Variants in CD2AP observed in about 807,000 individuals in gnomAD.
The protein encoded by CD2AP is CD2 associated protein.
Under a neutral mutation model 85.1 loss-of-function variants are expected in CD2AP, and 46 were observed. That is an observed-to-expected ratio of 0.54 (90% confidence interval 0.43 to 0.69). The LOEUF is 0.69. CD2AP is among the 30% of genes least tolerant of loss of function. The pLI, the probability that CD2AP is intolerant of heterozygous loss-of-function variation, is 0.00. For missense variants in CD2AP, 769 were observed against 729.5 expected (o/e 1.05, Z -0.62); for synonymous variants, 255 against 252.9 (o/e 1.01, Z -0.08).
chr6:47,587,905 C>T (rs1768674589), intron 11 of CD2AP, among the ~76,000 whole-genome samples: 1 of 152,138 alleles, frequency 6.6e-6, no homozygotes, highest in Non-Finnish European at 1.5e-5. Context: ...AGTGAATCTG[C>T]TCACTTTTGC....
At chr6:47,517,062 G>A in intron 2 of CD2AP, among the ~76,000 whole-genome samples, 1 of 152,096 alleles carries the variant, frequency 6.6e-6, no homozygotes, top group East Asian at 1.9e-4. Flanking sequence ...TTAGCGCCAT[G>A]CCCTTGGTAA....
chr6:47,487,047 C>T (rs1361766001), intron 1 of CD2AP, among the ~76,000 whole-genome samples: 1 of 152,078 alleles, frequency 6.6e-6, no homozygotes, highest in Non-Finnish European at 1.5e-5. Flanking sequence ...TTAAAAATTC[C>T]TGTTGTGCTG....
At chr6:47,607,851 C>A in intron 14 of CD2AP, 76 bp from the exon 15 acceptor site, 1 of 943,060 alleles carries the variant, frequency 1.1e-6, no homozygotes, top group Non-Finnish European at 1.7e-6. Context: ...AAGTTATTTG[C>A]TTTATTATCC....
rs1364065378 is a variant in CD2AP, at chr6:47,499,018, A to G, written c.5-4262A>G. Among the ~76,000 whole-genome samples, 3 of 152,318 alleles carry G rather than the reference A, an allele frequency of 2.0e-5. No individual in the cohort carries two copies. The South Asian group carries it at 6.2e-4, about 32-fold the overall frequency. ...TTTAATTTCATTATTTTGATGCTCAAAATGTCCTGATTTGGCCAGTAAGAA... is the reference window on the plus strand; with the variant it reads ...TTTAATTTCATTATTTTGATGCTCAGAATGTCCTGATTTGGCCAGTAAGAA... On this transcript the variant is annotated intron_variant, in intron 1 of 17. Transcript: ENST00000359314.
intron 5 of CD2AP, among the ~76,000 whole-genome samples, chr6:47,567,186 A>G (rs1768026765): frequency 6.6e-6 from 1 of 151,248 alleles, no homozygotes; most frequent in East Asian, 1.9e-4. Flanking sequence ...ATCTTCATCT[A>G]ATTTTCTTTT....
chr6:47,593,250 T>G (rs1768850584), intron 11 of CD2AP, among the ~76,000 whole-genome samples: 1 of 152,078 alleles, frequency 6.6e-6, no homozygotes, highest in Non-Finnish European at 1.5e-5. Context: ...ATAATTGTAC[T>G]TTATCAAAAT....
chr6:47,557,957 A>T (rs534466251), intron 5 of CD2AP, among the ~76,000 whole-genome samples: 4 of 152,326 alleles, frequency 2.6e-5, no homozygotes, highest in African/African-American at 9.6e-5. Context: ...CCTATCCATT[A>T]GCATGGAATG....
intron 1 of CD2AP, among the ~76,000 whole-genome samples, chr6:47,484,908 C>T (rs1191868205): frequency 1.3e-5 from 2 of 152,246 alleles, no homozygotes; most frequent in South Asian, 2.1e-4. Context: ...ATAAACCACA[C>T]ATAGGGTGGT....
chr6:47,537,288 C>G (rs1174738065), intron 3 of CD2AP, among the ~76,000 whole-genome samples: 2 of 152,164 alleles, frequency 1.3e-5, no homozygotes, highest in East Asian at 3.8e-4. Context: ...GACTATGCAT[C>G]TTTGCAGCAT....
chr6:47,548,144 C>T (rs565845688), intron 4 of CD2AP, among the ~76,000 whole-genome samples: 26 of 151,772 alleles, frequency 1.7e-4, no homozygotes, highest in Admixed American at 1.1e-3. Flanking sequence ...CCTCAAGAAA[C>T]GAGAAAAAGA....
At chr6:47,544,012 A>G (rs1038582665) in intron 3 of CD2AP, among the ~76,000 whole-genome samples, 2 of 152,202 alleles carry the variant, frequency 1.3e-5, no homozygotes, top group African/African-American at 4.8e-5. Flanking sequence ...TTAGAGCTTG[A>G]AAAAGGTTGA....
intron 9 of CD2AP, among the ~76,000 whole-genome samples, chr6:47,580,122 C>CT (rs371763351): frequency 2.3e-3 from 348 of 152,316 alleles, no homozygotes; most frequent in African/African-American, 7.2e-3. Context: ...TCTATGGAAG[C>CT]TTAGGCTGTC....
intron 2 of CD2AP, among the ~76,000 whole-genome samples, chr6:47,532,146 A>C (rs1158946344): frequency 6.6e-6 from 1 of 152,110 alleles, no homozygotes; most frequent in Non-Finnish European, 1.5e-5. Flanking sequence ...ATAAGAATTT[A>C]TAAACTTGAA....
intron 1 of CD2AP, among the ~76,000 whole-genome samples, chr6:47,495,076 T>C (rs1765825061): frequency 6.6e-6 from 1 of 151,990 alleles, no homozygotes; most frequent in African/African-American, 2.4e-5. Flanking sequence ...GGTGGGAGGA[T>C]CACTTGAACC....
At position 47,608,365 on chromosome 6, in the gene CD2AP, A is replaced by G. The variant is rs80219877; in HGVS notation, c.1632+337A>G. 7.9e-3 allele frequency among the ~76,000 whole-genome samples: 1,201 copies of G among 152,290 alleles called. 14 individuals are homozygous for G. Among genetic ancestry groups the G allele is most frequent in the African/African-American group, 0.027 (1,121 of 41,572 alleles). Reference sequence around the variant, plus strand: ...CTTACCTAGCTTGGTGCTTAGTACAATAATTAAGCATTCAGTATATACTGG... The same window carrying G: ...CTTACCTAGCTTGGTGCTTAGTACAGTAATTAAGCATTCAGTATATACTGG... On this transcript the variant is annotated intron_variant, in intron 15 of 17. Coordinates refer to ENST00000359314, the MANE Select transcript of CD2AP (RefSeq NM_012120.3).
At chr6:47,589,581 T>TATATATATATA (rs1562046500) in intron 11 of CD2AP, among the ~76,000 whole-genome samples, 1 of 148,548 alleles carries the variant, frequency 6.7e-6, no homozygotes, top group Admixed American at 6.7e-5. Context: ...TATATATATA[T>TATATATATATA]TTGTCAGAGT....
intron 2 of CD2AP, among the ~76,000 whole-genome samples, chr6:47,521,945 G>A (rs1247663541): frequency 6.6e-6 from 1 of 152,094 alleles, no homozygotes; most frequent in Admixed American, 6.6e-5. Flanking sequence ...AACCTGGGAG[G>A]CGGAGGTTGC....
intron 1 of CD2AP, among the ~76,000 whole-genome samples, chr6:47,484,252 T>A (rs1260500508): frequency 6.6e-6 from 1 of 152,186 alleles, no homozygotes; most frequent in Non-Finnish European, 1.5e-5. Flanking sequence ...CATGCTGTAC[T>A]CATTTTTGAA....
chr6:47,513,041 G>A (rs1259217898), intron 2 of CD2AP, among the ~76,000 whole-genome samples: 1 of 151,972 alleles, frequency 6.6e-6, no homozygotes, highest in Non-Finnish European at 1.5e-5. Flanking sequence ...GAGAAAGTGT[G>A]TTAGTTTATT....
Sources: gnomAD v4.1 joint callset for allele counts (sites outside exome capture counted in the v4.1 genomes callset) on GRCh38, gnomAD v4.1.1 for gene constraint, MANE v1.5 for transcripts, NCBI Gene and HGNC (gene_info 2026-07-23, HGNC 2026-07-21) for gene names.